The following BCL2L11 variants were observed in gnomAD, a reference collection of about 807,000 sequenced individuals.
BCL2L11 encodes bcl-2-like protein 11.
A neutral mutation model predicts 20.6 loss-of-function variants in BCL2L11; 15 were observed. The ratio of observed to expected loss-of-function variants is 0.73; its 90% CI spans 0.49 to 1.12. BCL2L11 has a LOEUF of 1.12. BCL2L11 is among the 50% of genes most tolerant of loss of function. BCL2L11 has a pLI of 0.00. For missense variants in BCL2L11, 292 were observed against 260.9 expected (o/e 1.12, Z -0.82); for synonymous variants, 108 against 92.8 (o/e 1.16, Z -0.94).
At chr2:111,136,654 AC>A (rs1267121723) in intron 2 of BCL2L11, among the ~76,000 whole-genome samples, 2 of 152,056 alleles carry the variant, frequency 1.3e-5, no homozygotes, top group African/African-American at 4.8e-5. Context: ...CTTAGACGGC[AC>A]CTTCGAGCTG....
At chr2:111,124,221 C>A (rs1220089780) in intron 2 of BCL2L11, 82 bp downstream of exon 2, 11 of 1,407,252 alleles carry the variant, frequency 7.8e-6, no homozygotes, top group Non-Finnish European at 1.1e-5. Context: ...TTAAAATCCC[C>A]TTTTAAAACC....
chr2:111,138,842 A>G (rs1302979786), intron 2 of BCL2L11, among the ~76,000 whole-genome samples: 1 of 152,128 alleles, frequency 6.6e-6, no homozygotes, highest in African/African-American at 2.4e-5. Context: ...TCAGCCATCA[A>G]GTGAGGACAT....
intron 3 of BCL2L11, among the ~76,000 whole-genome samples, chr2:111,151,505 T>G (rs1000807356): frequency 1.3e-5 from 2 of 152,262 alleles, no homozygotes; most frequent in East Asian, 3.8e-4. Context: ...CTTAAAAGTT[T>G]TTTTTTAATC....
chr2:111,142,004 A>G (rs1407248246), intron 2 of BCL2L11, among the ~76,000 whole-genome samples: 2 of 152,138 alleles, frequency 1.3e-5, no homozygotes, highest in African/African-American at 2.4e-5. Flanking sequence ...CCCGACCAGA[A>G]CAATCCCAAT....
At position 111,120,974 on chromosome 2, in the gene BCL2L11, G is replaced by A. The variant is rs1472092527; in HGVS notation, c.-228G>A. ...TTGGAGCTCTGCGTCCAGCGCCGCT[G>A]CCGCTGCCGCCGCCGCCGCCGCCGC... is the stretch of plus-strand genomic sequence containing the variant. On this transcript the variant is annotated 5_prime_UTR_variant, in exon 1 of 4. Coordinates refer to ENST00000393256, the MANE Select transcript of BCL2L11 (RefSeq NM_138621.5). The A allele has an allele frequency of 1.4e-5, 4 of 282,120 alleles. No individual in the cohort carries two copies. The highest frequency in any genetic ancestry group is 6.9e-5 in the African/African-American group (1 of 14,420). The allele number at this position is 282,120 out of a possible 1,614,324, so 17.5% of individuals were successfully genotyped here. A position where few individuals can be genotyped will look rare whatever the true frequency, so the allele number is the denominator to read the frequency against.
intron 2 of BCL2L11, among the ~76,000 whole-genome samples, chr2:111,125,191 G>C (rs2072278405): frequency 1.3e-5 from 2 of 152,226 alleles, no homozygotes; most frequent in African/African-American, 2.4e-5. Flanking sequence ...CAGATACCCT[G>C]TTTCAACATT....
intron 3 of BCL2L11, among the ~76,000 whole-genome samples, chr2:111,153,252 G>T (rs1009897018): frequency 1.5e-4 from 23 of 151,960 alleles, no homozygotes; most frequent in Non-Finnish European, 2.8e-4. Context: ...GGTGGTGGGT[G>T]CCTGTAATCC....
At chr2:111,142,371 C>T (rs1185523198) in intron 2 of BCL2L11, 1 of 1,550,412 alleles carries the variant, frequency 6.4e-7, no homozygotes, top group Non-Finnish European at 8.7e-7. Flanking sequence ...AGTGGCCACT[C>T]AAGTGGTTAG....
At chr2:111,138,814 G>A (rs1575036031) in intron 2 of BCL2L11, among the ~76,000 whole-genome samples, 1 of 152,174 alleles carries the variant, frequency 6.6e-6, no homozygotes, top group African/African-American at 2.4e-5. Flanking sequence ...CAGTGAGTCT[G>A]TCTGAGCTTC....
At chr2:111,142,998 G>A (rs2076050286) in intron 2 of BCL2L11, among the ~76,000 whole-genome samples, 1 of 152,036 alleles carries the variant, frequency 6.6e-6, no homozygotes, top group Non-Finnish European at 1.5e-5. Context: ...AAATAAATTG[G>A]GTAGTTTACC....
At chr2:111,147,423 G>T (rs953290040) in intron 2 of BCL2L11, among the ~76,000 whole-genome samples, 10 of 151,640 alleles carry the variant, frequency 6.6e-5, no homozygotes, top group African/African-American at 2.2e-4. Context: ...GCTTAGGGAT[G>T]TGTTTATATC....
intron 2 of BCL2L11, among the ~76,000 whole-genome samples, chr2:111,141,483 G>T (rs865791464): frequency 4.4e-5 from 6 of 137,740 alleles, no homozygotes; most frequent in South Asian, 2.4e-4. Flanking sequence ...ATGGACACAG[G>T]AAGGGGAATA....
At chr2:111,130,109 CTT>C (rs750092051) in intron 2 of BCL2L11, 2,843 of 334,094 alleles carry the variant, frequency 8.5e-3, no homozygotes, top group South Asian at 0.011. Context: ...TTTTACTTCT[CTT>C]TTTTTTTTTT....
At chr2:111,126,660 G>T (rs1448539484) in intron 2 of BCL2L11, among the ~76,000 whole-genome samples, 1 of 152,160 alleles carries the variant, frequency 6.6e-6, no homozygotes, top group Non-Finnish European at 1.5e-5. Flanking sequence ...GAAGACCACT[G>T]AAATAATGCT....
intron 3 of BCL2L11, chr2:111,161,612 TC>T: frequency 4.7e-6 from 7 of 1,486,036 alleles, no homozygotes; most frequent in Non-Finnish European, 6.3e-6. Context: ...AAATGACAGC[TC>T]CTGGCTCAGT....
At chr2:111,128,533 G>A (rs2073171557) in intron 2 of BCL2L11, 1 of 1,408,264 alleles carries the variant, frequency 7.1e-7, no homozygotes, top group African/African-American at 1.5e-5. Flanking sequence ...GTTCTCCATA[G>A]AGGCTGTGCC....
chr2:111,150,908 G>GTT (rs1559072752), intron 3 of BCL2L11, among the ~76,000 whole-genome samples: 11,619 of 88,688 alleles, frequency 0.13, 519 homozygotes, highest in African/African-American at 0.16. Context: ...GTTTGTTTGT[G>GTT]TGTGTGTTTG....
chr2:111,154,302 T>C (rs2077572485), intron 3 of BCL2L11, among the ~76,000 whole-genome samples: 1 of 151,216 alleles, frequency 6.6e-6, no homozygotes, highest in South Asian at 2.1e-4. Context: ...TATTATCTGA[T>C]CTATGGACCT....
At chr2:111,151,135 T>A (rs2077204728) in intron 3 of BCL2L11, among the ~76,000 whole-genome samples, 1 of 152,142 alleles carries the variant, frequency 6.6e-6, no homozygotes, top group Non-Finnish European at 1.5e-5. Flanking sequence ...ATTTCCTGAC[T>A]CTGTGATCTG....
Sources: allele counts gnomAD v4.1 joint callset (sites outside exome capture counted in the v4.1 genomes callset), GRCh38; gene constraint gnomAD v4.1.1; transcripts MANE v1.5; gene names NCBI Gene and HGNC (gene_info 2026-07-23, HGNC 2026-07-21).